The following FHIT variants were observed in gnomAD, a reference collection of about 807,000 sequenced individuals.
The protein encoded by FHIT is fragile histidine triad diadenosine triphosphatase, also known as bis(5'-adenosyl)-triphosphatase.
A neutral mutation model predicts 17.9 loss-of-function variants in FHIT; 19 were observed. The observed-to-expected ratio is 1.06, with a 90% CI of 0.74 to 1.56. The LOEUF is 1.56. Ranked by LOEUF, FHIT falls within the 40% of genes most tolerant of loss-of-function variation. FHIT has a pLI of 0.00. For missense variants in FHIT, 248 were observed against 189.2 expected (o/e 1.31, Z -1.82); for synonymous variants, 81 against 69.7 (o/e 1.16, Z -0.81).
chr3:60,732,556 G>T (rs1057270459), intron 4 of FHIT: 2 of 637,576 alleles, frequency 3.1e-6, no homozygotes, highest in African/African-American at 3.6e-5. Context: ...TTGGAACCTC[G>T]TCTGCAAACA....
intron 4 of FHIT, among the ~76,000 whole-genome samples, chr3:60,723,739 T>G (rs1028182524): frequency 1.6e-4 from 24 of 152,212 alleles, no homozygotes; most frequent in Admixed American, 1.6e-3. Flanking sequence ...ATAACAATGC[T>G]GAGTCCTAGG....
intron 2 of FHIT, among the ~76,000 whole-genome samples, chr3:61,166,656 A>G (rs531518014): frequency 6.6e-6 from 1 of 152,328 alleles, no homozygotes; most frequent in East Asian, 1.9e-4. Context: ...CTAAAAACCA[A>G]CTTTCCAAAT....
chr3:59,856,288 A>C (rs1702153095), intron 8 of FHIT, among the ~76,000 whole-genome samples: 1 of 152,226 alleles, frequency 6.6e-6, no homozygotes, highest in Non-Finnish European at 1.5e-5. Flanking sequence ...ATATAGCCCT[A>C]TGGCTATTAA....
chr3:61,090,803 C>A (rs2106810666), intron 2 of FHIT, among the ~76,000 whole-genome samples: 1 of 152,072 alleles, frequency 6.6e-6, no homozygotes, highest in Non-Finnish European at 1.5e-5. Context: ...TTTTTGTCAC[C>A]CTTGTTAAAA....
chr3:59,822,084 A>C (rs935615635), intron 8 of FHIT, among the ~76,000 whole-genome samples: 2 of 152,210 alleles, frequency 1.3e-5, no homozygotes, highest in African/African-American at 4.8e-5. Flanking sequence ...TTCACTTAGA[A>C]TAATAGTCCC....
chr3:60,572,257 GACAC>G (rs1198559457), intron 4 of FHIT, among the ~76,000 whole-genome samples: 2 of 140,740 alleles, frequency 1.4e-5, no homozygotes, highest in Admixed American at 1.4e-4. Flanking sequence ...TACACACACA[GACAC>G]ACACACACTC....
chr3:61,173,879 TC>T (rs2038082848), intron 2 of FHIT, among the ~76,000 whole-genome samples: 2 of 152,360 alleles, frequency 1.3e-5, no homozygotes, highest in Admixed American at 1.3e-4. Context: ...GCATGTCCCT[TC>T]TAACTTGTCA....
intron 3 of FHIT, among the ~76,000 whole-genome samples, chr3:60,880,331 G>A (rs1197304114): frequency 3.3e-5 from 5 of 152,190 alleles, no homozygotes; most frequent in African/African-American, 1.2e-4. Context: ...AGTAAAAACA[G>A]GGAATTCATC....
chr3:60,778,311 AT>A (rs55724582), intron 4 of FHIT, among the ~76,000 whole-genome samples: 152,341 of 152,342 alleles, frequency 1, 76,170 homozygotes, highest in Middle Eastern at 1. Flanking sequence ...TGTTGCTTTA[AT>A]TCTTTTTCAG....
At chr3:59,940,768 G>A (rs1163946030) in intron 7 of FHIT, among the ~76,000 whole-genome samples, 1 of 152,132 alleles carries the variant, frequency 6.6e-6, no homozygotes, top group East Asian at 1.9e-4. Context: ...GCTTCTGAGA[G>A]GATTAAATGA....
intron 1 of FHIT, among the ~76,000 whole-genome samples, chr3:61,220,829 T>C (rs187024388): frequency 6.6e-6 from 1 of 152,194 alleles, no homozygotes; most frequent in Non-Finnish European, 1.5e-5. Flanking sequence ...TCTCTTAATT[T>C]GTACCCCATG....
intron 4 of FHIT, among the ~76,000 whole-genome samples, chr3:60,733,822 C>A (rs2042081367): frequency 6.6e-6 from 1 of 152,038 alleles, no homozygotes; most frequent in African/African-American, 2.4e-5. Context: ...TGTTGCACAC[C>A]CAGCAGACAG....
Position 59,754,872 on chromosome 3 carries a change from T to C in FHIT, c.349-2551A>G, listed in dbSNP as rs553314452. On this transcript the variant is annotated intron_variant, in intron 8 of 9. Coordinates refer to ENST00000492590, the MANE Select transcript of FHIT (RefSeq NM_002012.4). ...CTCCTAAAAGCCCCAGATGGAAGCA[T>C]GTGGTTCTGTTTAGAACAGCGGCAC... Among the ~76,000 whole-genome samples the C allele has an allele frequency of 1.3e-4, 20 of 152,244 alleles. No homozygotes were observed. The South Asian group carries it at 4.0e-3, about 30-fold the overall frequency.
chr3:60,918,782 G>C (rs560037855), intron 3 of FHIT, among the ~76,000 whole-genome samples: 2 of 152,230 alleles, frequency 1.3e-5, no homozygotes, highest in East Asian at 3.9e-4. Flanking sequence ...CTTTCCATTT[G>C]ATTTTAATCT....
At chr3:60,865,307 A>T (rs1332876567) in intron 3 of FHIT, among the ~76,000 whole-genome samples, 2 of 152,090 alleles carry the variant, frequency 1.3e-5, no homozygotes, top group Non-Finnish European at 1.5e-5. Flanking sequence ...AATAAAATTT[A>T]TTTTCTCAGT....
intron 7 of FHIT, among the ~76,000 whole-genome samples, chr3:59,928,690 G>T (rs1318010193): frequency 6.6e-6 from 1 of 152,236 alleles, no homozygotes; most frequent in African/African-American, 2.4e-5. Flanking sequence ...ACATACTAGG[G>T]CAACTGTAAT....
chr3:60,110,151 C>T (rs566216430), intron 5 of FHIT, among the ~76,000 whole-genome samples: 9 of 152,186 alleles, frequency 5.9e-5, no homozygotes, highest in Admixed American at 1.3e-4. Flanking sequence ...TATGAGGACA[C>T]GGGGGGTTGG....
chr3:59,982,458 C>G (rs1173027808), intron 7 of FHIT, among the ~76,000 whole-genome samples: 1 of 152,134 alleles, frequency 6.6e-6, no homozygotes, highest in African/African-American at 2.4e-5. Flanking sequence ...GGCTGCAAAG[C>G]TAGCACAAAC....
chr3:61,243,505 A>C (rs1473521984), intron 1 of FHIT, among the ~76,000 whole-genome samples: 1 of 152,214 alleles, frequency 6.6e-6, no homozygotes, highest in Non-Finnish European at 1.5e-5. Flanking sequence ...GGTAGGAAGA[A>C]AACTTTATAA....
Sources: gnomAD v4.1 joint callset for allele counts (sites outside exome capture counted in the v4.1 genomes callset) on GRCh38, gnomAD v4.1.1 for gene constraint, MANE v1.5 for transcripts, NCBI Gene and HGNC (gene_info 2026-07-23, HGNC 2026-07-21) for gene names.